WDR26: variants seen among roughly 807,000 people sequenced by gnomAD.
The protein encoded by WDR26 is WD repeat domain 26.
Under a neutral mutation model 84.1 loss-of-function variants are expected in WDR26, and 5 were observed. The observed-to-expected ratio is 0.06, with a 90% confidence interval of 0.03 to 0.13. The LOEUF (loss-of-function observed/expected upper bound fraction) is 0.13, where lower values mean the gene tolerates loss of function less well. WDR26 is among the 10% of genes least tolerant of loss of function. WDR26 has a pLI of 1.00. For missense variants in WDR26, 642 were observed against 974.9 expected (o/e 0.66, Z 4.55); for synonymous variants, 415 against 389.6 (o/e 1.07, Z -0.77).
At chr1:224,430,430 A>G (rs1348953299) in intron 3 of WDR26, 1 of 152,220 alleles carries the variant, frequency 6.6e-6, no homozygotes, top group East Asian at 1.9e-4. Context: ...ATTCACCTGA[A>G]GCCCATTTCT....
intron 4 of WDR26, 103 bp downstream of exon 4, chr1:224,424,414 TC>T: frequency 6.9e-7 from 1 of 1,450,918 alleles, no homozygotes; most frequent in Non-Finnish European, 9.3e-7. Context: ...TAGACAAATA[TC>T]TAAGAATTTA....
In WDR26 at chr1:224,434,067, G is replaced by T. The variant is rs1572227747; in HGVS notation, c.339C>A (p.Gly113=). ...CCCCTCCTCCTCCACCGCCGCCGCC[G>T]CCACCTCCTCCTCCTCCTCCTGCCC... is the stretch of plus-strand genomic sequence containing the variant. Residue 113 remains glycine, a synonymous_variant, in exon 1 of 14, where the codon GGC becomes GGA. Coordinates refer to ENST00000414423, the MANE Select transcript of WDR26 (RefSeq NM_001379403.1). 3 of 1,447,770 alleles carry T rather than the reference G, an allele frequency of 2.1e-6. No homozygotes were observed. The East Asian group carries it at 7.5e-5, about 36-fold the overall frequency. The allele number at this position is 1,447,770 out of a possible 1,614,324, so 89.7% of individuals were successfully genotyped here.
chr1:224,422,646 G>A (rs997761148), intron 4 of WDR26, among the ~76,000 whole-genome samples: 2 of 151,520 alleles, frequency 1.3e-5, no homozygotes, highest in African/African-American at 2.4e-5. Flanking sequence ...CCCAGGAGGC[G>A]AAGGCTGCAG....
chr1:224,423,945 A>T (rs1445884624), intron 4 of WDR26, among the ~76,000 whole-genome samples: 1 of 152,178 alleles, frequency 6.6e-6, no homozygotes, highest in African/African-American at 2.4e-5. Context: ...TTTAAGGATT[A>T]ATGTGGCGAG....
At chr1:224,394,068 A>T in intron 12 of WDR26, 55 bp from the exon 13 acceptor site, 1 of 1,334,174 alleles carries the variant, frequency 7.5e-7, no homozygotes, top group Middle Eastern at 2.0e-4. Context: ...CAACTAACTG[A>T]TCTTAAATTT....
rs1002312406 is a variant in WDR26, at chr1:224,394,749, C to G, written c.2075-736G>C. On this transcript the variant is annotated intron_variant, in intron 12 of 13. Coordinates refer to ENST00000414423, the MANE Select transcript of WDR26 (RefSeq NM_001379403.1). ...TGACCTCGTGATCCGCCCATCTCAG[C>G]CTCCCAAAGTGCTGGGATTACAGGC... Among the ~76,000 whole-genome samples the G allele has an allele frequency of 2.0e-5, 3 of 152,298 alleles. No homozygotes were observed. The South Asian group carries it at 6.2e-4, about 32-fold the overall frequency.
intron 6 of WDR26, among the ~76,000 whole-genome samples, chr1:224,411,973 G>C (rs1315496838): frequency 2.0e-5 from 3 of 152,090 alleles, no homozygotes; most frequent in Non-Finnish European, 4.4e-5. Context: ...CTGCACTCCA[G>C]CCTGGGTGAT....
At chr1:224,389,886 TGGG>T in intron 13 of WDR26, 26 bp from the exon 14 acceptor site, 3 of 121,902 alleles carry the variant, frequency 2.5e-5, no homozygotes, top group Non-Finnish European at 1.7e-5. Context: ...ATGAAATGTA[TGGG>T]GGGCGGGCGG....
At chr1:224,392,222 G>A (rs113176481) in intron 13 of WDR26, among the ~76,000 whole-genome samples, 89 of 152,072 alleles carry the variant, frequency 5.9e-4, no homozygotes, top group African/African-American at 1.2e-3. Flanking sequence ...TTAGCTGGGC[G>A]TGGTGGTGGG....
chr1:224,407,552 A>G (rs1295649715), intron 7 of WDR26, among the ~76,000 whole-genome samples: 2 of 148,636 alleles, frequency 1.3e-5, no homozygotes, highest in Admixed American at 6.8e-5. Flanking sequence ...TCTGTCGCCT[A>G]GGCTGGAGTG....
chr1:224,415,905 A>G (rs1045548286), intron 6 of WDR26, among the ~76,000 whole-genome samples: 1 of 152,260 alleles, frequency 6.6e-6, no homozygotes, highest in Admixed American at 6.5e-5. Flanking sequence ...GTGAAGATAT[A>G]GGCTGGAAAA....
intron 5 of WDR26, 109 bp from the exon 6 acceptor site, chr1:224,418,525 T>G: frequency 2.8e-6 from 3 of 1,065,350 alleles, no homozygotes; most frequent in Non-Finnish European, 3.9e-6. Flanking sequence ...ATAGTATCTA[T>G]TCCTTAAATA....
At chr1:224,430,071 T>A (rs902066865) in intron 3 of WDR26, 18 of 152,310 alleles carry the variant, frequency 1.2e-4, no homozygotes, top group African/African-American at 4.3e-4. Context: ...GCCATCTAAC[T>A]GTTTTTATTT....
rs1673047211 is a variant in WDR26 at position 224,388,648 on chromosome 1, A to G, written c.*1187T>C. 6.6e-6 allele frequency: 1 copy of G among 152,630 alleles called. No homozygotes were observed. The highest frequency in any genetic ancestry group is 2.4e-5 in the African/African-American group (1 of 41,456). 9.5% of individuals were successfully genotyped at this position (152,630 alleles called of 1,614,324 possible). The stretch of plus-strand genomic sequence containing the variant: ...TAAATTTATGTATCCCTATATGTCA[A>G]AATATTAAGGGCAATTAAGAAAAAT... On this transcript the variant is annotated 3_prime_UTR_variant, in exon 14 of 14. Transcript: ENST00000414423.
At chr1:224,421,825 A>G (rs143300340) in intron 4 of WDR26, among the ~76,000 whole-genome samples, 41 of 152,306 alleles carry the variant, frequency 2.7e-4, no homozygotes, top group African/African-American at 7.7e-4. Flanking sequence ...GGTAAGACCA[A>G]TGACTTTGGA....
intron 13 of WDR26, among the ~76,000 whole-genome samples, chr1:224,392,330 T>A (rs1252288661): frequency 6.6e-6 from 1 of 150,790 alleles, no homozygotes; most frequent in Non-Finnish European, 1.5e-5. Context: ...CACTGTACAC[T>A]GGGAGAGAGC....
intron 1 of WDR26, 137 bp downstream of exon 1, chr1:224,433,547 G>T: frequency 8.1e-7 from 1 of 1,229,710 alleles, no homozygotes. Context: ...CTGTGTACTG[G>T]GTCCTGCGTG....
In WDR26 at chr1:224,434,186, G is replaced by T; in HGVS notation, c.220C>A (p.Leu74Ile). The change falls in exon 1 of 14, where the codon CTT (leucine) becomes ATT (isoleucine). Residue 74 changes from leucine (L) to isoleucine (I), a missense_variant. Physicochemically the swap from Leu to Ile is conservative, Grantham distance 5. Coordinates refer to ENST00000414423, the MANE Select transcript of WDR26 (RefSeq NM_001379403.1). ...GCGGGAGGGGCAGCAGCCGGGGGAA[G>T]TCCCACCACTACCACCACGGAGGAG... 7.0e-7 allele frequency: 1 copy of T among 1,419,880 alleles called. No homozygotes were observed. Among genetic ancestry groups the T allele is most frequent in the Non-Finnish European group, 9.2e-7 (1 of 1,092,536 alleles). 88.0% of individuals were successfully genotyped at this position (1,419,880 alleles called of 1,614,324 possible). A position where few individuals can be genotyped will look rare whatever the true frequency, so the allele number is the denominator to read the frequency against.
chr1:224,433,637 C>A, intron 1 of WDR26, 47 bp downstream of exon 1: 2 of 1,356,684 alleles, frequency 1.5e-6, no homozygotes, highest in Non-Finnish European at 1.9e-6. Flanking sequence ...CCTGGAGCCT[C>A]CGTCCCTCGG....
Sources: gnomAD v4.1 joint callset for allele counts (sites outside exome capture counted in the v4.1 genomes callset) on GRCh38, gnomAD v4.1.1 for gene constraint, MANE v1.5 for transcripts, NCBI Gene and HGNC (gene_info 2026-07-23, HGNC 2026-07-21) for gene names.